The following PRKN variants were observed in gnomAD, a reference collection of about 807,000 sequenced individuals.
The protein encoded by PRKN is parkin RBR E3 ubiquitin protein ligase.
PRKN carries 56 observed loss-of-function variants against 59.5 expected under a neutral mutation model. The ratio of observed to expected loss-of-function variants is 0.94; its 90% confidence interval spans 0.76 to 1.18. PRKN has a LOEUF of 1.18. Ranked by LOEUF, PRKN falls within the 50% of genes most tolerant of loss-of-function variation. The pLI is 0.00. For synonymous variants in PRKN, 250 were observed against 222.1 expected (o/e 1.13, Z -1.12); for missense variants, 657 against 596.4 (o/e 1.10, Z -1.06).
At chr6:161,590,626 G>A (rs901128573) in intron 7 of PRKN, among the ~76,000 whole-genome samples, 2 of 151,906 alleles carry the variant, frequency 1.3e-5, no homozygotes, top group African/African-American at 2.4e-5. Flanking sequence ...CCAGCTACTC[G>A]GGAGGCTGAT....
At chr6:161,474,082 TG>T (rs1319449961) in intron 9 of PRKN, among the ~76,000 whole-genome samples, 2 of 152,164 alleles carry the variant, frequency 1.3e-5, no homozygotes, top group Non-Finnish European at 2.9e-5. Flanking sequence ...GCGTGGAGCA[TG>T]ATCAGTTTAC....
chr6:161,601,564 T>G (rs1583279420), intron 7 of PRKN, among the ~76,000 whole-genome samples: 1 of 151,908 alleles, frequency 6.6e-6, no homozygotes, highest in South Asian at 2.1e-4. Context: ...TGGAAATGTA[T>G]AGAAATGTCT....
At chr6:162,547,496 A>T (rs1386656613) in intron 1 of PRKN, among the ~76,000 whole-genome samples, 1 of 152,222 alleles carries the variant, frequency 6.6e-6, no homozygotes, top group Non-Finnish European at 1.5e-5. Flanking sequence ...TGAAGTAGGC[A>T]GCAATTCTTT....
intron 4 of PRKN, among the ~76,000 whole-genome samples, chr6:162,116,559 G>C (rs905562291): frequency 7.2e-5 from 11 of 152,206 alleles, no homozygotes; most frequent in African/African-American, 2.4e-4. Flanking sequence ...TAAGGGACGA[G>C]AGCACGTGTG....
At chr6:162,584,024 T>A (rs568020967) in intron 1 of PRKN, among the ~76,000 whole-genome samples, 1 of 151,850 alleles carries the variant, frequency 6.6e-6, no homozygotes, top group African/African-American at 2.4e-5. Context: ...CCATCCTGGC[T>A]AACACGGTGA....
In PRKN at chr6:162,212,980, C is replaced by T. The variant is rs542649126; in HGVS notation, c.413-11728G>A. Among the ~76,000 whole-genome samples, 3 of 152,172 alleles carry T rather than the reference C, an allele frequency of 2.0e-5. No homozygotes were observed. The East Asian group carries it at 5.8e-4, about 29-fold the overall frequency. ...TTAGCTCAATTAAAATCTTATGGGGCCATTGTTATATATGTGGTCCATCCT... is the reference window on the plus strand; with the variant it reads ...TTAGCTCAATTAAAATCTTATGGGGTCATTGTTATATATGTGGTCCATCCT... On this transcript the variant is annotated intron_variant, in intron 3 of 11. Coordinates refer to ENST00000366898, the MANE Select transcript of PRKN (RefSeq NM_004562.3).
chr6:161,364,167 T>TGCCACCACCCGCCC (rs1562395968), intron 10 of PRKN, among the ~76,000 whole-genome samples: 1 of 60,052 alleles, frequency 1.7e-5, no homozygotes, highest in Non-Finnish European at 2.9e-5. Context: ...AGACTCCGTC[T>TGCCACCACCCGCCC]CAAAAAAAAA....
intron 7 of PRKN, among the ~76,000 whole-genome samples, chr6:161,639,888 T>C (rs12527261): frequency 0.37 from 56,892 of 152,042 alleles, 10,827 homozygotes; most frequent in Middle Eastern, 0.53. Context: ...TTCTGCTCTG[T>C]GGGGGACTGC....
intron 3 of PRKN, among the ~76,000 whole-genome samples, chr6:162,253,533 A>G (rs1394218287): frequency 2.0e-5 from 3 of 152,226 alleles, no homozygotes; most frequent in Non-Finnish European, 2.9e-5. Context: ...AACCGTATTA[A>G]TTAAAATATG....
chr6:162,148,664 TAAC>T lies in PRKN; in HGVS notation c.534+52464_534+52466del, dbSNP rs1290041391. Among the ~76,000 whole-genome samples, 14 of 152,072 alleles carry T rather than the reference TAAC, an allele frequency of 9.2e-5. No homozygotes were observed. The East Asian group carries it at 1.9e-3, about 21-fold the overall frequency. On this transcript the variant is annotated intron_variant, in intron 4 of 11. Coordinates refer to ENST00000366898, the MANE Select transcript of PRKN (RefSeq NM_004562.3). Reference sequence around the variant, plus strand: ...TGGAAAAAAGCCTAAAATAAAGGAATAACATCTAAGCAAAGGCCTGAAAGAAAA... The same window carrying T: ...TGGAAAAAAGCCTAAAATAAAGGAATATCTAAGCAAAGGCCTGAAAGAAAA...
At chr6:162,667,470 C>T (rs1300810193) in intron 1 of PRKN, among the ~76,000 whole-genome samples, 7 of 151,880 alleles carry the variant, frequency 4.6e-5, no homozygotes, top group Non-Finnish European at 1.0e-4. Flanking sequence ...AAATTTTTTT[C>T]TATCACTTTG....
intron 6 of PRKN, among the ~76,000 whole-genome samples, chr6:161,853,108 A>G (rs1292041948): frequency 6.6e-6 from 1 of 152,218 alleles, no homozygotes; most frequent in Non-Finnish European, 1.5e-5. Flanking sequence ...TTGCTGGGAA[A>G]ACTTGAGAAC....
intron 1 of PRKN, among the ~76,000 whole-genome samples, chr6:162,481,006 T>C (rs1176728912): frequency 6.6e-6 from 1 of 151,772 alleles, no homozygotes; most frequent in East Asian, 1.9e-4. Context: ...GTATTTTTAG[T>C]AAAGACAGAG....
intron 6 of PRKN, among the ~76,000 whole-genome samples, chr6:161,947,747 A>AT (rs1353176680): frequency 6.6e-6 from 1 of 152,222 alleles, no homozygotes; most frequent in East Asian, 1.9e-4. Context: ...ATGTAGAATT[A>AT]TTTTTTAAAT....
intron 1 of PRKN, among the ~76,000 whole-genome samples, chr6:162,719,138 T>C (rs1303955592): frequency 1.3e-5 from 2 of 152,228 alleles, no homozygotes; most frequent in Non-Finnish European, 2.9e-5. Context: ...TATGTCTAAA[T>C]TGACTGCCCA....
rs201087776 is a variant in PRKN, at chr6:161,363,897, C to T, written c.1168-3692G>A. Among the ~76,000 whole-genome samples the T allele has an allele frequency of 1.6e-4, 24 of 152,268 alleles. No individual in the cohort carries two copies. The highest frequency in any genetic ancestry group is 4.6e-4 in the African/African-American group (19 of 41,562). ...ATTTGGGGCCGGATGTGGTGGTTCA[C>T]GCCTGTAATCCAAGCACTTTGGGAG... On this transcript the variant is annotated intron_variant, in intron 10 of 11. Coordinates refer to ENST00000366898, the MANE Select transcript of PRKN (RefSeq NM_004562.3). This position sits in a 1 kb window ranked among gnomAD's most constrained non-coding sequence, Gnocchi z 4.1.
intron 4 of PRKN, among the ~76,000 whole-genome samples, chr6:162,130,636 A>C (rs1781314176): frequency 6.6e-6 from 1 of 152,196 alleles, no homozygotes; most frequent in Admixed American, 6.5e-5. Context: ...TAGCAGTAGG[A>C]AATCAATGCA....
In PRKN at chr6:162,225,717, A is replaced by T. The variant is rs1274681861; in HGVS notation, c.413-24465T>A. Among the ~76,000 whole-genome samples, 3 of 152,056 alleles carry T rather than the reference A, an allele frequency of 2.0e-5. No individual in the cohort carries two copies. The East Asian group carries it at 5.8e-4, about 29-fold the overall frequency. ...GTGCTTTGACCAAAGATTTTGTTGTATCAACCCACAGTAACAAAATTGACA... is the reference window on the plus strand; with the variant it reads ...GTGCTTTGACCAAAGATTTTGTTGTTTCAACCCACAGTAACAAAATTGACA... On this transcript the variant is annotated intron_variant, in intron 3 of 11. Coordinates refer to ENST00000366898, the MANE Select transcript of PRKN (RefSeq NM_004562.3).
intron 4 of PRKN, among the ~76,000 whole-genome samples, chr6:162,188,309 C>T (rs1784114018): frequency 6.6e-6 from 1 of 152,178 alleles, no homozygotes; most frequent in African/African-American, 2.4e-5. Flanking sequence ...TGGCTCAACA[C>T]GTCCCACTAT....
Sources: gnomAD v4.1 joint callset for allele counts (sites outside exome capture counted in the v4.1 genomes callset) on GRCh38, gnomAD v4.1.1 for gene constraint, Gnocchi (gnomAD v3.1) non-coding constraint, MANE v1.5 for transcripts, NCBI Gene and HGNC (gene_info 2026-07-23, HGNC 2026-07-21) for gene names.